Variants in ADTRP observed in about 807,000 individuals in gnomAD.
ADTRP encodes androgen dependent TFPI regulating protein, also known as androgen-dependent TFPI-regulating protein.
A neutral mutation model predicts 27.0 loss-of-function variants in ADTRP; 20 were observed. The observed-to-expected ratio is 0.74, with a 90% CI of 0.52 to 1.08. The LOEUF is 1.08. ADTRP is among the 50% of genes least tolerant of loss of function. ADTRP has a pLI of 0.00. For missense variants in ADTRP, 251 were observed against 275.0 expected (o/e 0.91, Z 0.62); for synonymous variants, 101 against 105.2 (o/e 0.96, Z 0.25).
chr6:11,720,165 G>C (rs979480424), intron 5 of ADTRP, among the ~76,000 whole-genome samples: 1 of 152,172 alleles, frequency 6.6e-6, no homozygotes, highest in South Asian at 2.1e-4. Flanking sequence ...TCATCAAAGG[G>C]GGCTCAGGCT....
chr6:11,772,679 G>A (rs1315406538), intron 1 of ADTRP, among the ~76,000 whole-genome samples: 1 of 152,148 alleles, frequency 6.6e-6, no homozygotes, highest in Non-Finnish European at 1.5e-5. Flanking sequence ...AATTTGCGGT[G>A]GAAGACTACA....
At chr6:11,766,181 T>C in intron 3 of ADTRP, 93 bp downstream of exon 3, 1 of 916,054 alleles carries the variant, frequency 1.1e-6, no homozygotes, top group Non-Finnish European at 1.7e-6. Context: ...ATGCTGGGAA[T>C]TGAGACATTT....
intron 5 of ADTRP, among the ~76,000 whole-genome samples, chr6:11,719,796 G>T (rs1398359471): frequency 6.6e-6 from 1 of 152,168 alleles, no homozygotes; most frequent in Non-Finnish European, 1.5e-5. Flanking sequence ...CTATCGGGTA[G>T]CTGTTACCTT....
chr6:11,759,769 T>A (rs1763340177), intron 3 of ADTRP, among the ~76,000 whole-genome samples: 1 of 152,214 alleles, frequency 6.6e-6, no homozygotes, highest in Non-Finnish European at 1.5e-5. Context: ...ATTAAGGATT[T>A]TAAGAGTAAG....
intron 1 of ADTRP, among the ~76,000 whole-genome samples, chr6:11,768,608 G>T (rs954812069): frequency 6.6e-6 from 1 of 152,136 alleles, no homozygotes; most frequent in Non-Finnish European, 1.5e-5. Context: ...ACAATAATGT[G>T]TACAGTATTT....
chr6:11,754,995 A>G, intron 3 of ADTRP: 1 of 976,476 alleles, frequency 1.0e-6, no homozygotes, highest in Non-Finnish European at 1.2e-6. Context: ...TGCTCTTAGT[A>G]TTTCAGAGAG....
chr6:11,732,705 T>G (rs1195616489), intron 4 of ADTRP, among the ~76,000 whole-genome samples: 2 of 152,104 alleles, frequency 1.3e-5, no homozygotes, highest in Non-Finnish European at 2.9e-5. Context: ...CCACCTCAGC[T>G]CCCCACTGGG....
chr6:11,754,248 T>G (rs74519729), intron 3 of ADTRP, among the ~76,000 whole-genome samples: 150 of 152,314 alleles, frequency 9.8e-4, no homozygotes, highest in Admixed American at 1.6e-3. Context: ...GCACCCCTCT[T>G]TAGTTTTACC....
At chr6:11,772,142 A>G (rs1763804634) in intron 1 of ADTRP, among the ~76,000 whole-genome samples, 1 of 152,170 alleles carries the variant, frequency 6.6e-6, no homozygotes, top group Non-Finnish European at 1.5e-5. Flanking sequence ...ACTTATTCTA[A>G]GTTTATTTCA....
intron 5 of ADTRP, chr6:11,717,437 A>T (rs532705001): frequency 7.7e-7 from 1 of 1,303,520 alleles, no homozygotes; most frequent in African/African-American, 1.5e-5. Flanking sequence ...CCAAGAAATT[A>T]TTGTTTCAAT....
At chr6:11,761,605 A>G (rs933292869) in intron 3 of ADTRP, among the ~76,000 whole-genome samples, 2 of 152,188 alleles carry the variant, frequency 1.3e-5, no homozygotes, top group Non-Finnish European at 2.9e-5. Flanking sequence ...CCCAAAGCAC[A>G]TATGAGTGAT....
At chr6:11,746,024 C>T (rs1464794859) in intron 3 of ADTRP, among the ~76,000 whole-genome samples, 1 of 152,148 alleles carries the variant, frequency 6.6e-6, no homozygotes, top group Admixed American at 6.5e-5. Flanking sequence ...CTCCTGACCT[C>T]AAGTGATCTG....
intron 5 of ADTRP, among the ~76,000 whole-genome samples, chr6:11,722,973 C>G (rs892336790): frequency 2.6e-5 from 4 of 152,174 alleles, no homozygotes; most frequent in African/African-American, 9.7e-5. Context: ...ATTTTCAAAG[C>G]TTGTGTCCCT....
chr6:11,719,912 G>C (rs13193682), intron 5 of ADTRP, among the ~76,000 whole-genome samples: 9,572 of 152,178 alleles, frequency 0.063, 375 homozygotes, highest in Middle Eastern at 0.13. Context: ...GCCAGGTCCT[G>C]CTGTAGGCGC....
intron 1 of ADTRP, among the ~76,000 whole-genome samples, chr6:11,777,423 T>C (rs981481214): frequency 6.6e-6 from 1 of 152,108 alleles, no homozygotes; most frequent in Non-Finnish European, 1.5e-5. Flanking sequence ...CTGTTTTTCA[T>C]AGAAAGCCAA....
chr6:11,715,992 T>C (rs1194146286), intron 5 of ADTRP, among the ~76,000 whole-genome samples: 1 of 151,972 alleles, frequency 6.6e-6, no homozygotes, highest in Non-Finnish European at 1.5e-5. Flanking sequence ...ATTTTTGATG[T>C]GAATTCTCTC....
rs1761740324 is a variant in ADTRP, at chr6:11,714,330, G to A, written c.*148C>T. 3 of 889,634 alleles carry A rather than the reference G, an allele frequency of 3.4e-6. No homozygotes were observed. Among genetic ancestry groups the A allele is most frequent in the Admixed American group, 3.0e-5 (1 of 33,586 alleles). 55.1% of individuals were successfully genotyped at this position (889,634 alleles called of 1,614,324 possible). ...AGTTCTCAAGTTAAGCTACCTTCACGAACCTCTTATTAAATTTAAGTATCA... is the reference window on the plus strand; with the variant it reads ...AGTTCTCAAGTTAAGCTACCTTCACAAACCTCTTATTAAATTTAAGTATCA... On this transcript the variant is annotated 3_prime_UTR_variant, in exon 6 of 6. Coordinates refer to ENST00000414691, the MANE Select transcript of ADTRP (RefSeq NM_032744.4).
intron 4 of ADTRP, among the ~76,000 whole-genome samples, chr6:11,724,832 G>A (rs1280977033): frequency 6.6e-6 from 1 of 152,204 alleles, no homozygotes; most frequent in Non-Finnish European, 1.5e-5. Flanking sequence ...AAAAGACACA[G>A]AACAGTGCTT....
At chr6:11,735,835 G>A (rs894946206) in intron 3 of ADTRP, 152 bp from the exon 4 acceptor site, 3 of 614,360 alleles carry the variant, frequency 4.9e-6, no homozygotes, top group Admixed American at 2.8e-5. Flanking sequence ...GACCTACCGT[G>A]GCTCCCTCTT....
Sources: allele counts gnomAD v4.1 joint callset (sites outside exome capture counted in the v4.1 genomes callset), GRCh38; gene constraint gnomAD v4.1.1; transcripts MANE v1.5; gene names NCBI Gene and HGNC (gene_info 2026-07-23, HGNC 2026-07-21).